The following MMS22L variants were observed in gnomAD, a reference collection of about 807,000 sequenced individuals.
The protein encoded by MMS22L is MMS22 like, DNA repair protein.
Under a neutral mutation model 159.1 loss-of-function variants are expected in MMS22L, and 74 were observed. That is an observed-to-expected ratio of 0.47 (90% CI 0.39 to 0.56). The LOEUF (loss-of-function observed/expected upper bound fraction) is 0.56, where lower values mean the gene tolerates loss of function less well. MMS22L is among the 20% of genes least tolerant of loss of function. The pLI, the probability that MMS22L is intolerant of heterozygous loss-of-function variation, is 0.00. For synonymous variants in MMS22L, 517 were observed against 506.9 expected (o/e 1.02, Z -0.27); for missense variants, 1,351 against 1,422.1 (o/e 0.95, Z 0.80).
chr6:97,149,083 C>T (rs1801069752), intron 24 of MMS22L, among the ~76,000 whole-genome samples: 1 of 152,130 alleles, frequency 6.6e-6, no homozygotes, highest in Non-Finnish European at 1.5e-5. Context: ...ACCACATTGC[C>T]TAGGTGTGTG....
intron 15 of MMS22L, among the ~76,000 whole-genome samples, chr6:97,184,956 C>T (rs1428018326): frequency 1.3e-5 from 2 of 152,150 alleles, no homozygotes; most frequent in Non-Finnish European, 2.9e-5. Flanking sequence ...TCTCTTAGTT[C>T]TCTTTCCCTT....
chr6:97,233,810 A>T (rs1811114763), intron 12 of MMS22L, 51 bp downstream of exon 12: 1 of 1,544,516 alleles, frequency 6.5e-7, no homozygotes, highest in Non-Finnish European at 8.7e-7. Context: ...TTCCTCAAAT[A>T]TGTACAAATT....
Position 97,178,424 on chromosome 6 carries a change from A to C in MMS22L, c.2679+19T>G. 1 of 1,497,818 alleles carries C rather than the reference A, an allele frequency of 6.7e-7. No individual in the cohort carries two copies. The highest frequency in any genetic ancestry group is 8.9e-7 in the Non-Finnish European group (1 of 1,118,812). 92.8% of individuals were successfully genotyped at this position (1,497,818 alleles called of 1,614,324 possible). On this transcript the variant is annotated intron_variant, in intron 18 of 24. Coordinates refer to ENST00000683635, the MANE Select transcript of MMS22L (RefSeq NM_001350599.2). ...AATTGTAATTAATCTGGACAATTAT[A>C]CTAATAAATGACAAATACCTCAAAG...
At chr6:97,235,093 A>G (rs1168103385) in intron 11 of MMS22L, among the ~76,000 whole-genome samples, 2 of 152,218 alleles carry the variant, frequency 1.3e-5, no homozygotes, top group African/African-American at 4.8e-5. Context: ...TGGATTATAC[A>G]TAAAGAGTGA....
intron 10 of MMS22L, among the ~76,000 whole-genome samples, chr6:97,252,602 G>C (rs956816488): frequency 1.4e-5 from 2 of 147,866 alleles, no homozygotes; most frequent in African/African-American, 2.5e-5. Context: ...CCGAGATCAC[G>C]CCATTATACT....
At position 97,168,264 on chromosome 6, in the gene MMS22L, C is replaced by T. The variant is rs372775371; in HGVS notation, c.2840-24G>A. ...TCCTAACAAAGAAGAGAAGTAACAG[C>T]ATGTTGTTGTTATCCTCTGACCAGA... On this transcript the variant is annotated intron_variant, in intron 19 of 24. Coordinates refer to ENST00000683635, the MANE Select transcript of MMS22L (RefSeq NM_001350599.2). The T allele has an allele frequency of 2.1e-4, 337 of 1,608,494 alleles. No individual in the cohort carries two copies. The African/African-American group carries it at 4.1e-3, about 19-fold the overall frequency.
At chr6:97,243,657 T>C (rs1812321907) in intron 11 of MMS22L, among the ~76,000 whole-genome samples, 1 of 152,126 alleles carries the variant, frequency 6.6e-6, no homozygotes, top group African/African-American at 2.4e-5. Context: ...ATAAAGAACC[T>C]TGTTTTGTCC....
intron 22 of MMS22L, among the ~76,000 whole-genome samples, chr6:97,160,491 TC>T (rs925527916): frequency 1.8e-4 from 28 of 152,178 alleles, no homozygotes; most frequent in Non-Finnish European, 1.0e-4. Context: ...TACTGGGGTT[TC>T]TTGTAGAGGA....
rs1354329086 is a variant in MMS22L at position 97,146,191 on chromosome 6, C to T, written c.*615G>A. ...AATATAAACCCTGTTGGCATGTTTA[C>T]ACTTCTTTTTGGATATCAGCTGTAT... On this transcript the variant is annotated 3_prime_UTR_variant, in exon 25 of 25. Coordinates refer to ENST00000683635, the MANE Select transcript of MMS22L (RefSeq NM_001350599.2). 1.3e-5 allele frequency: 2 copies of T among 151,688 alleles called. No homozygotes were observed. Among genetic ancestry groups the T allele is most frequent in the African/African-American group, 4.8e-5 (2 of 41,292 alleles). 9.4% of individuals were successfully genotyped at this position (151,688 alleles called of 1,614,324 possible). A position where few individuals can be genotyped will look rare whatever the true frequency, so the allele number is the denominator to read the frequency against.
intron 19 of MMS22L, 21 bp from the exon 20 acceptor site, chr6:97,168,261 C>A: frequency 6.2e-7 from 1 of 1,610,016 alleles, no homozygotes; most frequent in Non-Finnish European, 8.5e-7. Context: ...AGAGAAGTAA[C>A]AGCATGTTGT....
At chr6:97,243,282 C>A (rs562422097) in intron 11 of MMS22L, among the ~76,000 whole-genome samples, 80 of 151,988 alleles carry the variant, frequency 5.3e-4, no homozygotes, top group African/African-American at 1.8e-3. Flanking sequence ...TTAAAAAATT[C>A]TTTTTTCTTT....
Position 97,282,313 on chromosome 6 carries a change from C to T in MMS22L, c.164+1G>A. On this transcript the variant is annotated splice_donor_variant, in intron 2 of 24. Coordinates refer to ENST00000683635, the MANE Select transcript of MMS22L (RefSeq NM_001350599.2). LOFTEE classifies it high-confidence loss of function. ...GGAAAATGTCTCTGAGTTTTACCTA[C>T]CGCTTAAGGGCTCCGCTGCAGAGGT... 1 of 1,613,170 alleles carries T rather than the reference C, an allele frequency of 6.2e-7. No homozygotes were observed. Among genetic ancestry groups the T allele is most frequent in the South Asian group, 1.1e-5 (1 of 90,958 alleles).
intron 12 of MMS22L, among the ~76,000 whole-genome samples, chr6:97,232,786 A>G (rs867804164): frequency 6.6e-6 from 1 of 152,098 alleles, no homozygotes; most frequent in South Asian, 2.1e-4. Flanking sequence ...ATTATCCACA[A>G]ATCCAAACAT....
intron 14 of MMS22L, among the ~76,000 whole-genome samples, chr6:97,198,600 A>T (rs1024010403): frequency 7.9e-5 from 12 of 152,166 alleles, no homozygotes; most frequent in African/African-American, 2.7e-4. Context: ...GACCTAAAGG[A>T]ATTCACACTT....
At chr6:97,216,679 G>T (rs559474333) in intron 14 of MMS22L, among the ~76,000 whole-genome samples, 5 of 152,302 alleles carry the variant, frequency 3.3e-5, no homozygotes, top group African/African-American at 1.2e-4. Flanking sequence ...CCATGAAAGA[G>T]CACAGTAGTG....
In MMS22L at chr6:97,162,026, A is replaced by C. The variant is rs1802491344; in HGVS notation, c.3361T>G (p.Leu1121Val). Residue 1121 changes from leucine (L) to valine (V), a missense_variant, in exon 22 of 25, where the codon TTG becomes GTG. By Grantham distance (32) the Leu-to-Val change is conservative. Transcript: ENST00000683635. Reference protein sequence around the residue: ...ELLLPGILKCLVLVSEPQVKR... With the variant: ...ELLLPGILKCVVLVSEPQVKR... ...CCTTGTGGTTCACTGACTAACACCA[A>C]GCATTTTAAAATGCCAGGGAGGAGT... 2 of 1,611,182 alleles carry C rather than the reference A, an allele frequency of 1.2e-6. No individual in the cohort carries two copies. The highest frequency in any genetic ancestry group is 2.2e-5 in the East Asian group (1 of 44,810).
chr6:97,204,995 G>C (rs1168953178), intron 14 of MMS22L, among the ~76,000 whole-genome samples: 45 of 129,252 alleles, frequency 3.5e-4, no homozygotes, highest in Admixed American at 7.0e-4. Context: ...CCTGGCTGGA[G>C]TGCAATGGCG....
At chr6:97,183,024 T>C (rs1248087183) in intron 15 of MMS22L, among the ~76,000 whole-genome samples, 1 of 152,188 alleles carries the variant, frequency 6.6e-6, no homozygotes, top group Non-Finnish European at 1.5e-5. Flanking sequence ...TTAATGAATC[T>C]ATCTTCCATT....
intron 4 of MMS22L, 42 bp downstream of exon 4, chr6:97,278,807 G>A (rs1404971678): frequency 6.4e-7 from 1 of 1,555,408 alleles, no homozygotes; most frequent in Admixed American, 1.7e-5. Context: ...TCACTATAAT[G>A]AAGCACCATT....
Sources: allele counts gnomAD v4.1 joint callset (sites outside exome capture counted in the v4.1 genomes callset), GRCh38; gene constraint gnomAD v4.1.1; transcripts MANE v1.5; gene names NCBI Gene and HGNC (gene_info 2026-07-23, HGNC 2026-07-21).